HMGB3: variants seen among roughly 807,000 people sequenced by gnomAD.
The protein encoded by HMGB3 is high mobility group box 3, also known as high mobility group protein B3.
In HMGB3, 1 loss-of-function variant was observed where a neutral mutation model predicts 12.9. The observed-to-expected ratio is 0.08, with a 90% confidence interval of 0.03 to 0.37. The LOEUF (loss-of-function observed/expected upper bound fraction) is 0.37. HMGB3 is among the 10% of genes least tolerant of loss of function. HMGB3 has a pLI of 0.99. For synonymous variants in HMGB3, 61 were observed against 53.9 expected (o/e 1.13, Z -0.57); for missense variants, 74 against 153.3 (o/e 0.48, Z 2.73).
chrX:150,987,327 C>G (rs1448052301), intron 4 of HMGB3, 25 bp downstream of exon 4: 6 of 1,166,728 alleles, frequency 5.1e-6, no homozygotes, highest in Non-Finnish European at 6.9e-6. Context: ...GAAGCCTGGA[C>G]TGGTGAACAG....
intron 1 of HMGB3, chrX:150,984,529 ACCGCCG>A: frequency 6.7e-6 from 4 of 597,007 alleles, no homozygotes; most frequent in Non-Finnish European, 8.0e-6. Flanking sequence ...GCGCACCGCC[ACCGCCG>A]CCGCCCCCGG....
chrX:150,983,782 G>A (rs1369531881), intron 1 of HMGB3, among the ~76,000 whole-genome samples: 1 of 107,143 alleles, frequency 9.3e-6, no homozygotes, highest in Non-Finnish European at 1.9e-5. Flanking sequence ...TGGGCGCTGG[G>A]CGGCGGCAGC....
Position 150,987,755 on chromosome X carries a change from A to C in HMGB3, c.466-22A>C, listed in dbSNP as rs782765299. ...GTTAAAACAGCCGCATACTCATTTG[A>C]AATGTGTCCCTGTTCCTCTAGGATG... On this transcript the variant is annotated intron_variant, in intron 4 of 4. Transcript: ENST00000325307. 3.4e-6 allele frequency: 4 copies of C among 1,181,136 alleles called. No homozygotes were observed. The South Asian group carries it at 7.3e-5, about 22-fold the overall frequency.
intron 3 of HMGB3, among the ~76,000 whole-genome samples, chrX:150,986,851 T>C (rs1451159204): frequency 1.8e-5 from 2 of 111,305 alleles, no homozygotes; most frequent in Non-Finnish European, 3.8e-5. Flanking sequence ...TTCTCCATGT[T>C]GGTCAGGCTG....
chrX:150,983,492 G>A, intron 1 of HMGB3, 116 bp downstream of exon 1: 3 of 732,737 alleles, frequency 4.1e-6, no homozygotes, highest in East Asian at 1.6e-4. Flanking sequence ...CGCCGTGAGC[G>A]CGCCCTGCCG....
intron 1 of HMGB3, 136 bp downstream of exon 1, chrX:150,983,512 C>G (rs1218907608): frequency 4.1e-6 from 3 of 729,616 alleles, no homozygotes; most frequent in Non-Finnish European, 4.9e-6. Context: ...GCCGCCTCCC[C>G]CTGCCTCTAC....
chrX:150,987,170 C>G lies in HMGB3; in HGVS notation c.333C>G (p.Ile111Met). The change falls in exon 4 of 5, where the codon ATC (isoleucine) becomes ATG (methionine). Residue 111 changes from isoleucine (I) to methionine (M), a missense_variant. Ile to Met is a conservative substitution (Grantham distance 10, BLOSUM62 1). This residue lies in a region of HMGB3 where 45 missense variants were observed against 123.8 expected (regional missense o/e 0.36). Transcript: ENST00000325307. ...FLFCSEFRPK[I>M]KSTNPGISIG... ...TCTGTTCAGAATTCCGCCCCAAGAT[C>G]AAATCCACAAACCCCGGCATCTCTA... 1.7e-6 allele frequency: 2 copies of G among 1,208,567 alleles called. No individual in the cohort carries two copies. Among genetic ancestry groups the G allele is most frequent in the Non-Finnish European group, 2.2e-6 (2 of 893,095 alleles).
rs1557425260 is a variant in HMGB3, at chrX:150,987,274, C to T, written c.437C>T (p.Ala146Val). The change falls in exon 4 of 5, where the codon GCG becomes GTG. Residue 146 changes from alanine to valine, a missense_variant. Around this residue, in one of 2 missense-constraint regions of HMGB3, gnomAD observed 45 missense variants for 123.8 expected, o/e 0.36. Transcript: ENST00000325307. Reference sequence around the variant, plus strand: ...GAAAAGCAGCCTTACATCACTAAGGCGGCAAAGCTGAAGGAGAAGTATGAG... The same window carrying T: ...GAAAAGCAGCCTTACATCACTAAGGTGGCAAAGCTGAAGGAGAAGTATGAG... ...DSEKQPYITKAAKLKEKYEKD... is the reference protein window; with the variant it reads ...DSEKQPYITKVAKLKEKYEKD... 2 of 1,208,900 alleles carry T rather than the reference C, an allele frequency of 1.7e-6. No homozygotes were observed.
At chrX:150,986,980 TTTGTAGCA>T (rs1557425252) in intron 3 of HMGB3, 140 bp from the exon 4 acceptor site, 1 of 416,086 alleles carries the variant, frequency 2.4e-6, no homozygotes, top group Non-Finnish European at 4.1e-6. Flanking sequence ...AACCTACAAC[TTTGTAGCA>T]TTGTATATGG....
At chrX:150,986,289 A>C (rs2124447715) in intron 3 of HMGB3, 99 bp downstream of exon 3, 1 of 711,086 alleles carries the variant, frequency 1.4e-6, no homozygotes, top group South Asian at 3.6e-5. Context: ...AAAATGAAAT[A>C]TTTTTTAAAA....
intron 1 of HMGB3, chrX:150,983,613 G>C (rs1259949681): frequency 1.3e-6 from 1 of 749,014 alleles, no homozygotes; most frequent in Non-Finnish European, 1.6e-6. Context: ...TTTCCAACGC[G>C]TTCCCCGAGC....
intron 1 of HMGB3, among the ~76,000 whole-genome samples, chrX:150,984,981 C>T (rs187336725): frequency 9.0e-6 from 1 of 111,717 alleles, no homozygotes; most frequent in East Asian, 2.8e-4. Flanking sequence ...TAGATAGTGA[C>T]GAAGTGATGA....
chrX:150,981,861 G>A (rs895341166), upstream of HMGB3, among the ~76,000 whole-genome samples: 2 of 111,418 alleles, frequency 1.8e-5, no homozygotes, highest in Non-Finnish European at 3.8e-5. Flanking sequence ...GTTGGTAAGA[G>A]GGGGCGTAGG....
upstream of HMGB3, among the ~76,000 whole-genome samples, chrX:150,981,814 C>T (rs2047994393): frequency 9.0e-6 from 1 of 111,386 alleles, no homozygotes; most frequent in Non-Finnish European, 1.9e-5. Flanking sequence ...ACAGCACCAG[C>T]TTCAGGGGCT....
At chrX:150,985,115 TCTC>T in intron 1 of HMGB3, among the ~76,000 whole-genome samples, 1 of 111,628 alleles carries the variant, frequency 9.0e-6, no homozygotes, top group Non-Finnish European at 1.9e-5. Context: ...TACGTATAGT[TCTC>T]CTGCTTTGGT....
At chrX:150,984,529 A>G (rs1557425184) in intron 1 of HMGB3, 1 of 597,006 alleles carries the variant, frequency 1.7e-6, no homozygotes, top group East Asian at 1.8e-4. Context: ...GCGCACCGCC[A>G]CCGCCGCCGC....
intron 2 of HMGB3, 79 bp downstream of exon 2, chrX:150,985,828 C>G (rs2048046436): frequency 1.3e-5 from 12 of 924,999 alleles, no homozygotes; most frequent in South Asian, 7.3e-5. Flanking sequence ...GATTTTCTCC[C>G]AGATAGCTGC....
In HMGB3 at chrX:150,987,860, A is replaced by T; in HGVS notation, c.549A>T (p.Glu183Asp). The T allele has an allele frequency of 8.4e-7, 1 of 1,197,574 alleles. No individual in the cohort carries two copies. Among genetic ancestry groups the T allele is most frequent in the Non-Finnish European group, 1.1e-6 (1 of 888,779 alleles). Residue 183 changes from glutamate to aspartate, a missense_variant, in exon 5 of 5, where the codon GAA becomes GAT. Transcript: ENST00000325307. ...TTGCCCGGAAAAAGGTGGAAGAGGA[A>T]GATGAAGAAGAGGAGGAGGAAGAAG... ...AKVARKKVEE[E>D]DEEEEEEEEE...
chrX:150,980,813 C>A (rs1357598666), upstream of HMGB3, among the ~76,000 whole-genome samples: 1 of 112,547 alleles, frequency 8.9e-6, no homozygotes, highest in East Asian at 2.8e-4. Flanking sequence ...TGTGCCCATA[C>A]GTGAGTACGT....
Sources: allele counts gnomAD v4.1 joint callset (sites outside exome capture counted in the v4.1 genomes callset), GRCh38; gene constraint gnomAD v4.1.1; regional missense constraint gnomAD v4.1.1; transcripts MANE v1.5; gene names NCBI Gene and HGNC (gene_info 2026-07-23, HGNC 2026-07-21).